Variants in RIN1 observed in about 807,000 individuals in gnomAD.
RIN1 encodes Ras and Rab interactor 1.
In RIN1, 52 loss-of-function variants were observed where a neutral mutation model predicts 64.9. The ratio of observed to expected loss-of-function variants is 0.80; its 90% CI spans 0.64 to 1.01. The LOEUF is 1.01. Among genes scored for constraint, RIN1 ranks in the 50% least tolerant of loss-of-function variants. RIN1 has a pLI of 0.00. For synonymous variants in RIN1, 486 were observed against 483.6 expected (o/e 1.00, Z -0.06); for missense variants, 1,040 against 1,064.5 (o/e 0.98, Z 0.32).
chr11:66,334,260 G>T, intron 6 of RIN1, 36 bp from the exon 7 acceptor site: 1 of 1,389,638 alleles, frequency 7.2e-7, no homozygotes, highest in Non-Finnish European at 9.5e-7. Context: ...GGGGAAGACT[G>T]GGGGTATGGG....
Position 66,334,690 on chromosome 11 carries a change from G to C in RIN1, c.1109C>G (p.Ala370Gly). The change falls in exon 6 of 10, where the codon GCA becomes GGA. Residue 370 changes from alanine to glycine, a missense_variant. Coordinates refer to ENST00000311320, the MANE Select transcript of RIN1 (RefSeq NM_004292.3). Reference sequence around the variant, plus strand: ...GGCTGTGTGTCGGTCCTGCATCAGTGCTGCCGCAGCCCGGCCCACCTGCCG... The same window carrying C: ...GGCTGTGTGTCGGTCCTGCATCAGTCCTGCCGCAGCCCGGCCCACCTGCCG... ...PERQVGRAAA[A>G]LMQDRHTAAG... 1 of 1,551,704 alleles carries C rather than the reference G, an allele frequency of 6.4e-7. No homozygotes were observed. The highest frequency in any genetic ancestry group is 8.7e-7 in the Non-Finnish European group (1 of 1,149,484).
chr11:66,334,866 GA>G lies in RIN1; in HGVS notation c.932del (p.Leu311ProfsTer40). ...TGGGGGAGCCGCAGTCCACCTCTTG[GA>G]GGGAGGGCATAGGCGGAAGGCTAGG... is the stretch of plus-strand genomic sequence containing the variant. ...SGPSLPPMPS[L>X]QEVDCGSPSS... On this transcript the variant is annotated frameshift_variant, in exon 6 of 10. Transcript: ENST00000311320. LOFTEE classifies it high-confidence loss of function. The G allele has an allele frequency of 6.4e-7, 1 of 1,563,222 alleles. No homozygotes were observed.
At position 66,336,337 on chromosome 11, in the gene RIN1, A is replaced by C. The variant is rs374168375; in HGVS notation, c.66T>G (p.Thr22=). 1.2e-5 allele frequency: 20 copies of C among 1,613,452 alleles called. No individual in the cohort carries two copies. The highest frequency in any genetic ancestry group is 2.2e-5 in the East Asian group (1 of 44,888). Reference sequence around the variant, plus strand: ...CTAACTTTTCTCTCGCCAGGTGCCCAGTAGTGAAGCTGGACGGGCTGGGGG... The same window carrying C: ...CTAACTTTTCTCTCGCCAGGTGCCCCGTAGTGAAGCTGGACGGGCTGGGGG... ...PGAPSPSSFT[T]GHLAREKPAQ... Residue 22 remains threonine (T), a synonymous_variant, in exon 1 of 10, where the codon ACT becomes ACG. Transcript: ENST00000311320.
chr11:66,333,940 T>A lies in RIN1; in HGVS notation c.1570A>T (p.Met524Leu). 6.5e-7 allele frequency: 1 copy of A among 1,549,592 alleles called. No homozygotes were observed. Among genetic ancestry groups the A allele is most frequent in the Non-Finnish European group, 8.7e-7 (1 of 1,147,574 alleles). Residue 524 changes from methionine to leucine, a missense_variant, in exon 7 of 10, where the codon ATG (methionine) becomes TTG (leucine). Met to Leu is a conservative substitution (Grantham distance 15). Transcript: ENST00000311320. ...RLLQACKLLY[M>L]ALRTQEGEGA... The stretch of plus-strand genomic sequence containing the variant: ...ATACCTTCCTGGGTCCTCAGGGCCA[T>A]GTAGAGCAGCTTGCAGGCCTGCAGG...
At position 66,335,216 on chromosome 11, in the gene RIN1, G is replaced by A. The variant is rs549656126; in HGVS notation, c.583C>T (p.Arg195Trp). 2.5e-5 allele frequency: 39 copies of A among 1,571,998 alleles called. No individual in the cohort carries two copies. The highest frequency in any genetic ancestry group is 1.1e-4 in the East Asian group (5 of 44,714). The change falls in exon 6 of 10, where the codon CGG (arginine) becomes TGG (tryptophan). Residue 195 changes from arginine to tryptophan, a missense_variant. Transcript: ENST00000311320. The part of the protein sequence containing the change: ...WSSSLNIKAQ[R>W]GPAGGPVLPQ... ...AACACTGGGCCTCCAGCCGGGCCCCGCTGAGCCTTGATGTTGAGGGAGGAG... is the reference window on the plus strand; with the variant it reads ...AACACTGGGCCTCCAGCCGGGCCCCACTGAGCCTTGATGTTGAGGGAGGAG...
In RIN1 at chr11:66,335,799, G is replaced by A. The variant is rs766207158; in HGVS notation, c.345C>T (p.Ser115=). ...CMRLPEASGP[S]FVSSHYILES... ...CCAGGATGTAGTGGCTGGAGACGAAGGAGGGGCCACTGGCTTCAGGCAACC... is the reference window on the plus strand; with the variant it reads ...CCAGGATGTAGTGGCTGGAGACGAAAGAGGGGCCACTGGCTTCAGGCAACC... Residue 115 remains serine (S), a synonymous_variant, in exon 3 of 10, where the codon TCC becomes TCT. Coordinates refer to ENST00000311320, the MANE Select transcript of RIN1 (RefSeq NM_004292.3). 2 of 1,610,940 alleles carry A rather than the reference G, an allele frequency of 1.2e-6. No individual in the cohort carries two copies. Among genetic ancestry groups the A allele is most frequent in the Admixed American group, 1.7e-5 (1 of 59,864 alleles).
Position 66,335,138 on chromosome 11 carries a change from C to G in RIN1, c.661G>C (p.Ala221Pro). 6.5e-7 allele frequency: 1 copy of G among 1,541,834 alleles called. No homozygotes were observed. The highest frequency in any genetic ancestry group is 2.3e-5 in the East Asian group (1 of 44,178). The change falls in exon 6 of 10, where the codon GCC becomes CCC. Residue 221 changes from alanine to proline, a missense_variant. Coordinates refer to ENST00000311320, the MANE Select transcript of RIN1 (RefSeq NM_004292.3). ...PQELDQGTGAALCFFNPLFPG... is the reference protein window; with the variant it reads ...PQELDQGTGAPLCFFNPLFPG... ...AACAGGGGGTTGAAGAAGCACAAGGCGGCTCCGGTGCCCTGGTCCAGCTCT... is the reference window on the plus strand; with the variant it reads ...AACAGGGGGTTGAAGAAGCACAAGGGGGCTCCGGTGCCCTGGTCCAGCTCT...
rs1854739411 is a variant in RIN1 at position 66,331,859 on chromosome 11, G to C, written c.*417C>G. 8.7e-6 allele frequency: 2 copies of C among 229,532 alleles called. No individual in the cohort carries two copies. Among genetic ancestry groups the C allele is most frequent in the East Asian group, 2.4e-4 (2 of 8,378 alleles). 14.2% of individuals were successfully genotyped at this position (229,532 alleles called of 1,614,324 possible). A position where few individuals can be genotyped will look rare whatever the true frequency, so the allele number is the denominator to read the frequency against. On this transcript the variant is annotated 3_prime_UTR_variant, in exon 10 of 10. Transcript: ENST00000311320. ...CCTAAGAGCCATTGGAACCTTTTAG[G>C]GTCTGGAAGTCCCAGCCTGGTGGGA...
At position 66,334,158 on chromosome 11, in the gene RIN1, C is replaced by A; in HGVS notation, c.1352G>T (p.Arg451Leu). 1 of 1,526,014 alleles carries A rather than the reference C, an allele frequency of 6.6e-7. No individual in the cohort carries two copies. The allele number at this position is 1,526,014 out of a possible 1,614,324, so 94.5% of individuals were successfully genotyped here. ...GTCTGCGGCAAGCCGGCGCCGCAGG[C>A]GGGCTGCCAGGATGGGCCGGAGAGG... ...LKPLRPILAA[R>L]LRRRLAADGS... The change falls in exon 7 of 10, where the codon CGC becomes CTC. Residue 451 changes from arginine (R) to leucine (L), a missense_variant. Coordinates refer to ENST00000311320, the MANE Select transcript of RIN1 (RefSeq NM_004292.3).
chr11:66,332,125 G>A lies in RIN1; in HGVS notation c.*151C>T. 2.6e-6 allele frequency: 2 copies of A among 782,306 alleles called. No homozygotes were observed. Among genetic ancestry groups the A allele is most frequent in the Non-Finnish European group, 4.2e-6 (2 of 472,014 alleles). The allele number at this position is 782,306 out of a possible 1,614,324, so 48.5% of individuals were successfully genotyped here. On this transcript the variant is annotated 3_prime_UTR_variant, in exon 10 of 10. Coordinates refer to ENST00000311320, the MANE Select transcript of RIN1 (RefSeq NM_004292.3). ...ATCTTTATTCCAGTTCCTCAGATGTGGCAGTTCCCCCAGCTTCCCTGGAAA... is the reference window on the plus strand; with the variant it reads ...ATCTTTATTCCAGTTCCTCAGATGTAGCAGTTCCCCCAGCTTCCCTGGAAA...
At position 66,334,696 on chromosome 11, in the gene RIN1, G is replaced by A. The variant is rs754638838; in HGVS notation, c.1103C>T (p.Ala368Val). The A allele has an allele frequency of 1.3e-4, 204 of 1,550,108 alleles. 1 individual carries two copies. The highest frequency in any genetic ancestry group is 1.7e-4 in the Non-Finnish European group (192 of 1,148,612). Residue 368 changes from alanine to valine, a missense_variant, in exon 6 of 10, where the codon GCG (alanine) becomes GTG (valine). By Grantham distance (64) the Ala-to-Val change is moderately conservative (BLOSUM62 0). Transcript: ENST00000311320. ...GTGTCGGTCCTGCATCAGTGCTGCCGCAGCCCGGCCCACCTGCCGCTCCGG... is the reference window on the plus strand; with the variant it reads ...GTGTCGGTCCTGCATCAGTGCTGCCACAGCCCGGCCCACCTGCCGCTCCGG... ...LAPERQVGRA[A>V]AALMQDRHTA...
intron 4 of RIN1, 37 bp downstream of exon 4, chr11:66,335,573 G>C (rs753925206): frequency 3.1e-6 from 5 of 1,612,702 alleles, no homozygotes; most frequent in South Asian, 2.2e-5. Context: ...CAAGGAGCAG[G>C]GCCCGTGGAC....
rs1854712903 is a variant in RIN1 at position 66,330,323 on chromosome 11, CAG to C, written c.*1951_*1952del. ...GAGGCACTAGGGGTGAGTGGTGAAA[CAG>C]GGAGGGGAATAGAAGAGCCAACGGG... On this transcript the variant is annotated 3_prime_UTR_variant, in exon 10 of 10. Coordinates refer to ENST00000311320, the MANE Select transcript of RIN1 (RefSeq NM_004292.3). The C allele has an allele frequency of 6.6e-6, 1 of 152,274 alleles. No individual in the cohort carries two copies. The highest frequency in any genetic ancestry group is 2.4e-5 in the African/African-American group (1 of 41,524). The allele number at this position is 152,274 out of a possible 1,614,324, so 9.4% of individuals were successfully genotyped here.
chr11:66,333,365 T>C lies in RIN1; in HGVS notation c.1768A>G (p.Ser590Gly), dbSNP rs1420006889. ...AGGGTGTGGGCCTGACCCAGGCCAC[T>C]CAGCAGGGCCAGGCTGGCAGAGAGG... ...TSLSASLALL[S>G]GLGQAHTLPL... The change falls in exon 9 of 10, where the codon AGT (serine) becomes GGT (glycine). Residue 590 changes from serine (S) to glycine (G), a missense_variant. By Grantham distance (56) the Ser-to-Gly change is moderately conservative (BLOSUM62 0). Coordinates refer to ENST00000311320, the MANE Select transcript of RIN1 (RefSeq NM_004292.3). 1 of 1,612,516 alleles carries C rather than the reference T, an allele frequency of 6.2e-7. No homozygotes were observed. Among genetic ancestry groups the C allele is most frequent in the Admixed American group, 1.7e-5 (1 of 59,906 alleles).
At chr11:66,333,867 C>T in intron 7 of RIN1, 52 bp downstream of exon 7, 1 of 1,465,672 alleles carries the variant, frequency 6.8e-7, no homozygotes, top group Non-Finnish European at 9.0e-7. Flanking sequence ...GCTGGGGGGC[C>T]CGCCTCTGAC....
Position 66,333,921 on chromosome 11 carries a change from T to TC in RIN1, c.1588dup (p.Glu530GlyfsTer22), listed in dbSNP as rs1184252630. On this transcript the variant is annotated frameshift_variant, in exon 7 of 10. Transcript: ENST00000311320. LOFTEE classifies it high-confidence loss of function. ...GTGAGGTGGTGGCAGGGACATACCTTCCTGGGTCCTCAGGGCCATGTAGAG... is the reference window on the plus strand; with the variant it reads ...GTGAGGTGGTGGCAGGGACATACCTTCCCTGGGTCCTCAGGGCCATGTAGAG... 2 of 1,523,312 alleles carry TC rather than the reference T, an allele frequency of 1.3e-6. No homozygotes were observed. Among genetic ancestry groups the TC allele is most frequent in the Non-Finnish European group, 1.8e-6 (2 of 1,134,854 alleles). The allele number at this position is 1,523,312 out of a possible 1,614,324, so 94.4% of individuals were successfully genotyped here. A position where few individuals can be genotyped will look rare whatever the true frequency, so the allele number is the denominator to read the frequency against.
chr11:66,336,176 G>A lies in RIN1; in HGVS notation c.87-18C>T, dbSNP rs1361261800. On this transcript the variant is annotated intron_variant, in intron 1 of 9. Coordinates refer to ENST00000311320, the MANE Select transcript of RIN1 (RefSeq NM_004292.3). ...GGGCTGGCCTGGGGGCAGGCACCCA[G>A]ATCTGAGCAGGGAGCCAGGGGCTGG... is the stretch of plus-strand genomic sequence containing the variant. The A allele has an allele frequency of 3.4e-6, 5 of 1,465,090 alleles. No individual in the cohort carries two copies. In the South Asian group the frequency reaches 4.1e-5, roughly 12 times the overall value. 90.8% of individuals were successfully genotyped at this position (1,465,090 alleles called of 1,614,324 possible).
In RIN1 at chr11:66,334,606, T is replaced by A. The variant is rs776430381; in HGVS notation, c.1193A>T (p.Glu398Val). Residue 398 changes from glutamate to valine, a missense_variant, in exon 6 of 10, where the codon GAG becomes GTG. Physicochemically the swap from Glu to Val is moderately radical, Grantham distance 121. Coordinates refer to ENST00000311320, the MANE Select transcript of RIN1 (RefSeq NM_004292.3). ...TQVRAGPEPQ[E>V]LQGIRQALSR... Reference sequence around the variant, plus strand: ...CAGCGCCTGACGGATGCCCTGCAGCTCCTGGGGCTCGGGCCCAGCCCGCAC... The same window carrying A: ...CAGCGCCTGACGGATGCCCTGCAGCACCTGGGGCTCGGGCCCAGCCCGCAC... The A allele has an allele frequency of 5.7e-6, 9 of 1,581,284 alleles. No homozygotes were observed. Among genetic ancestry groups the A allele is most frequent in the South Asian group, 4.6e-5 (4 of 86,800 alleles).
rs377463353 is a variant in RIN1, at chr11:66,336,043, C to T, written c.202G>A (p.Val68Met). The T allele has an allele frequency of 7.8e-5, 114 of 1,466,918 alleles. No homozygotes were observed. The highest frequency in any genetic ancestry group is 1.3e-4 in the Admixed American group (5 of 37,970). 90.9% of individuals were successfully genotyped at this position (1,466,918 alleles called of 1,614,324 possible). A position where few individuals can be genotyped will look rare whatever the true frequency, so the allele number is the denominator to read the frequency against. The change falls in exon 2 of 10, where the codon GTG becomes ATG. Residue 68 changes from valine (V) to methionine (M), a missense_variant. Coordinates refer to ENST00000311320, the MANE Select transcript of RIN1 (RefSeq NM_004292.3). ...LRERLLLTRP[V>M]WLQLQANAAA... Reference sequence around the variant, plus strand: ...GCGTTGGCTTGCAGCTGCAGCCACACGGGCCGGGTGAGCAGCAGGCGCTCC... The same window carrying T: ...GCGTTGGCTTGCAGCTGCAGCCACATGGGCCGGGTGAGCAGCAGGCGCTCC...
Sources: allele counts gnomAD v4.1 joint callset, GRCh38; gene constraint gnomAD v4.1.1; transcripts MANE v1.5; gene names NCBI Gene and HGNC (gene_info 2026-07-23, HGNC 2026-07-21).